GHR: variants seen among roughly 807,000 people sequenced by gnomAD.
GHR encodes the protein GH receptor.
In GHR, 35 loss-of-function variants were observed where a neutral mutation model predicts 67.1. The observed-to-expected ratio is 0.52, with a 90% CI of 0.40 to 0.69. The LOEUF (loss-of-function observed/expected upper bound fraction) is 0.69, where lower values mean the gene tolerates loss of function less well. Ranked by LOEUF, GHR falls within the 30% of genes least tolerant of loss-of-function variation. The probability of loss-of-function intolerance (pLI) is 0.00; values close to 1 mark genes in which losing one functional copy is unlikely to be tolerated. For synonymous variants in GHR, 272 were observed against 269.1 expected (o/e 1.01, Z -0.10); for missense variants, 792 against 764.6 (o/e 1.04, Z -0.42).
chr5:42,425,052 A>G, intron 1 of GHR: 1 of 979,888 alleles, frequency 1.0e-6, no homozygotes, highest in Non-Finnish European at 1.2e-6. Flanking sequence ...ACGGAAGGCC[A>G]AAGTGTTGGG....
At chr5:42,428,894 C>G (rs1358458011) in intron 1 of GHR, among the ~76,000 whole-genome samples, 1 of 152,172 alleles carries the variant, frequency 6.6e-6, no homozygotes, top group Non-Finnish European at 1.5e-5. Context: ...TCTGAGCCCT[C>G]CAAGTCTCTA....
At chr5:42,541,537 G>A (rs141601386) in intron 1 of GHR, among the ~76,000 whole-genome samples, 2 of 152,090 alleles carry the variant, frequency 1.3e-5, no homozygotes, top group African/African-American at 2.4e-5. Context: ...TTTACTCTAA[G>A]TGAGATAGGA....
chr5:42,516,686 T>C (rs530414224), intron 1 of GHR, among the ~76,000 whole-genome samples: 1 of 152,316 alleles, frequency 6.6e-6, no homozygotes, highest in South Asian at 2.1e-4. Context: ...ATTTTCAGTT[T>C]TTCCTGAGAA....
At chr5:42,658,783 C>G (rs1755400189) in intron 3 of GHR, among the ~76,000 whole-genome samples, 1 of 152,020 alleles carries the variant, frequency 6.6e-6, no homozygotes. Flanking sequence ...GGACAGCATT[C>G]CACAGCAACA....
intron 1 of GHR, among the ~76,000 whole-genome samples, chr5:42,478,456 T>G (rs551031782): frequency 6.6e-6 from 1 of 152,192 alleles, no homozygotes; most frequent in Non-Finnish European, 1.5e-5. Flanking sequence ...TGGCATTGAA[T>G]CTATAAATTA....
At chr5:42,588,935 A>G (rs1342282089) in intron 2 of GHR, among the ~76,000 whole-genome samples, 1 of 152,210 alleles carries the variant, frequency 6.6e-6, no homozygotes, top group East Asian at 1.9e-4. Flanking sequence ...TACTTACAAC[A>G]TATTATGAGA....
intron 3 of GHR, among the ~76,000 whole-genome samples, chr5:42,686,930 C>T (rs998517089): frequency 2.0e-5 from 3 of 152,140 alleles, no homozygotes; most frequent in Non-Finnish European, 4.4e-5. Flanking sequence ...TAGAAAACCC[C>T]ATCGTCTCAG....
intron 2 of GHR, among the ~76,000 whole-genome samples, chr5:42,627,025 G>GT (rs1173231569): frequency 2.0e-5 from 3 of 151,982 alleles, no homozygotes; most frequent in Admixed American, 1.3e-4. Context: ...ATTTTTTCCT[G>GT]TTTTTTATGC....
At chr5:42,596,101 C>T (rs974302470) in intron 2 of GHR, among the ~76,000 whole-genome samples, 4 of 152,118 alleles carry the variant, frequency 2.6e-5, no homozygotes, top group African/African-American at 9.7e-5. Context: ...GGTGAGAGTA[C>T]GAAGAAGAAT....
rs1022274592 is a variant in GHR at position 42,426,715 on chromosome 5, A to T, written c.-12+2760A>T. On this transcript the variant is annotated intron_variant, in intron 1 of 9. Transcript: ENST00000230882. The stretch of plus-strand genomic sequence containing the variant: ...ATCGAAGTTTGGTAAGACTGGAGTC[A>T]TCCCTCAGCCAATTGTGTAAACAAG... Among the ~76,000 whole-genome samples, 4 of 152,218 alleles carry T rather than the reference A, an allele frequency of 2.6e-5. 1 individual carries two copies. The highest frequency in any genetic ancestry group is 9.6e-5 in the African/African-American group (4 of 41,456).
intron 1 of GHR, among the ~76,000 whole-genome samples, chr5:42,533,305 T>A (rs998252347): frequency 9.9e-5 from 15 of 152,098 alleles, no homozygotes; most frequent in African/African-American, 1.4e-4. Flanking sequence ...AATGTATGTG[T>A]GATCCTAATA....
chr5:42,707,633 C>T (rs1017313813), intron 6 of GHR, among the ~76,000 whole-genome samples: 3 of 151,828 alleles, frequency 2.0e-5, no homozygotes, highest in African/African-American at 7.3e-5. Context: ...TTTCTTTCAT[C>T]AGTGTTTTAT....
chr5:42,668,974 G>A (rs914051861), intron 3 of GHR, among the ~76,000 whole-genome samples: 2 of 152,128 alleles, frequency 1.3e-5, no homozygotes, highest in Admixed American at 6.6e-5. Flanking sequence ...TCTGAACATA[G>A]ACTTAGGAAT....
At chr5:42,669,100 A>G (rs938536946) in intron 3 of GHR, among the ~76,000 whole-genome samples, 6 of 152,192 alleles carry the variant, frequency 3.9e-5, no homozygotes, top group African/African-American at 1.4e-4. Context: ...GCCCCTTTAC[A>G]TAAAATATTC....
intron 1 of GHR, among the ~76,000 whole-genome samples, chr5:42,472,998 C>T (rs1243721734): frequency 6.6e-6 from 1 of 152,098 alleles, no homozygotes; most frequent in African/African-American, 2.4e-5. Flanking sequence ...ATGAGATTTA[C>T]CAGAGAAGCA....
At chr5:42,624,745 C>T (rs1293358738) in intron 2 of GHR, among the ~76,000 whole-genome samples, 1 of 152,144 alleles carries the variant, frequency 6.6e-6, no homozygotes, top group African/African-American at 2.4e-5. Flanking sequence ...CTTACTGAAC[C>T]TTGACCAAAG....
At chr5:42,465,307 T>G in intron 1 of GHR, 1 of 694,814 alleles carries the variant, frequency 1.4e-6, no homozygotes, top group East Asian at 2.5e-5. Flanking sequence ...AGAACAGATT[T>G]TTTTTTTGCA....
chr5:42,507,829 G>A (rs1034341456), intron 1 of GHR, among the ~76,000 whole-genome samples: 1 of 152,164 alleles, frequency 6.6e-6, no homozygotes, highest in Non-Finnish European at 1.5e-5. Flanking sequence ...TAGGAATGTG[G>A]GGAAGACATC....
intron 1 of GHR, among the ~76,000 whole-genome samples, chr5:42,562,513 T>TAG (rs1749666134): frequency 6.6e-6 from 1 of 152,182 alleles, no homozygotes; most frequent in Non-Finnish European, 1.5e-5. Context: ...TTTTAAATAC[T>TAG]TTTTTCTGCT....
Sources: gnomAD v4.1 joint callset for allele counts (sites outside exome capture counted in the v4.1 genomes callset) on GRCh38, gnomAD v4.1.1 for gene constraint, MANE v1.5 for transcripts, NCBI Gene and HGNC (gene_info 2026-07-23, HGNC 2026-07-21) for gene names.